The following CNTNAP2 variants were observed in gnomAD, a reference collection of about 807,000 sequenced individuals.
The protein encoded by CNTNAP2 is contactin associated protein 2.
Under a neutral mutation model 155.2 loss-of-function variants are expected in CNTNAP2, and 98 were observed. The ratio of observed to expected loss-of-function variants is 0.63; its 90% confidence interval spans 0.54 to 0.75. The LOEUF is 0.75. Among genes scored for constraint, CNTNAP2 ranks in the 30% least tolerant of loss-of-function variants. The pLI is 0.00. For synonymous variants in CNTNAP2, 651 were observed against 631.2 expected (o/e 1.03, Z -0.47); for missense variants, 1,727 against 1,688.1 (o/e 1.02, Z -0.40).
chr7:146,277,991 T>C (rs952202074), intron 1 of CNTNAP2, among the ~76,000 whole-genome samples: 1 of 152,210 alleles, frequency 6.6e-6, no homozygotes, highest in Admixed American at 6.5e-5. Context: ...ATCATCTTAC[T>C]ATGTAACGGG....
chr7:146,647,515 T>C (rs1280820171), intron 1 of CNTNAP2, among the ~76,000 whole-genome samples: 1 of 152,164 alleles, frequency 6.6e-6, no homozygotes, highest in African/African-American at 2.4e-5. Flanking sequence ...AAAAATCTTA[T>C]AAAACATTAA....
At chr7:148,213,186 G>T (rs1405393365) in intron 18 of CNTNAP2, among the ~76,000 whole-genome samples, 1 of 152,022 alleles carries the variant, frequency 6.6e-6, no homozygotes, top group African/African-American at 2.4e-5. Flanking sequence ...GTATCACCTG[G>T]GGACCTGCGA....
At chr7:147,782,022 A>AC (rs1797669002) in intron 13 of CNTNAP2, among the ~76,000 whole-genome samples, 1 of 49,140 alleles carries the variant, frequency 2.0e-5, no homozygotes, top group African/African-American at 2.1e-4. Context: ...GATTCCGTTT[A>AC]AAAAAAAAAA....
chr7:148,100,951 T>TA (rs1306775526), intron 15 of CNTNAP2, among the ~76,000 whole-genome samples: 4 of 152,044 alleles, frequency 2.6e-5, no homozygotes, highest in African/African-American at 9.6e-5. Flanking sequence ...TATGCAGTCA[T>TA]AAAAAATGAA....
chr7:146,125,704 A>C (rs1163109150), intron 1 of CNTNAP2, among the ~76,000 whole-genome samples: 1 of 152,138 alleles, frequency 6.6e-6, no homozygotes, highest in Admixed American at 6.5e-5. Context: ...ACCATTAAGA[A>C]CATAAACAAA....
At chr7:146,254,065 A>G (rs1334842627) in intron 1 of CNTNAP2, among the ~76,000 whole-genome samples, 2 of 151,984 alleles carry the variant, frequency 1.3e-5, no homozygotes, top group Admixed American at 6.6e-5. Flanking sequence ...CTGACTCATA[A>G]CAAAACAGAA....
intron 13 of CNTNAP2, among the ~76,000 whole-genome samples, chr7:147,674,618 A>G (rs1009207328): frequency 1.1e-4 from 16 of 152,300 alleles, no homozygotes; most frequent in African/African-American, 3.4e-4. Flanking sequence ...CTGAGAAAAC[A>G]TATTTCACTT....
intron 13 of CNTNAP2, among the ~76,000 whole-genome samples, chr7:147,680,850 TATA>T (rs923155898): frequency 7.2e-4 from 109 of 151,108 alleles, no homozygotes; most frequent in South Asian, 1.2e-3. Context: ...CTACAAAATA[TATA>T]ATAACATATT....
chr7:147,967,690 C>CA (rs897433969), intron 14 of CNTNAP2, among the ~76,000 whole-genome samples: 3 of 152,096 alleles, frequency 2.0e-5, no homozygotes, highest in Non-Finnish European at 4.4e-5. Flanking sequence ...TGTAGGACTA[C>CA]AAAGTCTTGT....
intron 10 of CNTNAP2, among the ~76,000 whole-genome samples, chr7:147,426,495 C>T (rs187713853): frequency 1.2e-4 from 18 of 152,228 alleles, no homozygotes; most frequent in Admixed American, 1.0e-3. Context: ...AATTCCTTTC[C>T]ACCGAGCAAA....
chr7:146,372,060 C>T (rs1306733833), intron 1 of CNTNAP2, among the ~76,000 whole-genome samples: 2 of 151,614 alleles, frequency 1.3e-5, no homozygotes, highest in Admixed American at 1.3e-4. Flanking sequence ...TAAAGAAGAC[C>T]CTATATTTAC....
At position 146,128,669 on chromosome 7, in the gene CNTNAP2, C is replaced by A. The variant is rs995392809; in HGVS notation, c.97+11696C>A. 2.6e-5 allele frequency among the ~76,000 whole-genome samples: 4 copies of A among 152,162 alleles called. No individual in the cohort carries two copies. The East Asian group carries it at 7.7e-4, about 29-fold the overall frequency. Reference sequence around the variant, plus strand: ...ACCCAAATATTTCTAGGTACACAACCAGTGTTAAATAAATACAATTGAAAA... The same window carrying A: ...ACCCAAATATTTCTAGGTACACAACAAGTGTTAAATAAATACAATTGAAAA... On this transcript the variant is annotated intron_variant, in intron 1 of 23. Transcript: ENST00000361727.
intron 15 of CNTNAP2, among the ~76,000 whole-genome samples, chr7:148,117,313 C>G (rs1317114831): frequency 3.9e-5 from 6 of 152,202 alleles, no homozygotes; most frequent in Admixed American, 1.3e-4. Context: ...AGAGCCTCAC[C>G]TGCAGTCCCC....
In CNTNAP2 at chr7:146,675,969, G is replaced by A. The variant is rs138547250; in HGVS notation, c.98-98302G>A. On this transcript the variant is annotated intron_variant, in intron 1 of 23. Coordinates refer to ENST00000361727, the MANE Select transcript of CNTNAP2 (RefSeq NM_014141.6). ...AAACACAAAGTGAAATTTGGTTCTC[G>A]AGCTAGTTCAGTCACATAATGTTGT... Among the ~76,000 whole-genome samples, 298 of 152,068 alleles carry A rather than the reference G, an allele frequency of 2.0e-3. 3 individuals are homozygous for A. The highest frequency in any genetic ancestry group is 6.7e-3 in the African/African-American group (277 of 41,488).
At chr7:147,212,213 G>T (rs1275013802) in intron 8 of CNTNAP2, among the ~76,000 whole-genome samples, 2 of 152,022 alleles carry the variant, frequency 1.3e-5, no homozygotes, top group Non-Finnish European at 2.9e-5. Context: ...ACTTAGAATT[G>T]TTATCCAGCA....
At chr7:147,242,736 G>C (rs936828906) in intron 8 of CNTNAP2, among the ~76,000 whole-genome samples, 3 of 151,886 alleles carry the variant, frequency 2.0e-5, no homozygotes, top group African/African-American at 7.3e-5. Context: ...TAAAAATAAG[G>C]CTGCTAACTA....
At chr7:148,172,588 A>G (rs1292580322) in intron 18 of CNTNAP2, 110 bp downstream of exon 18, 6 of 1,007,416 alleles carry the variant, frequency 6.0e-6, no homozygotes, top group Non-Finnish European at 7.8e-6. Flanking sequence ...TGAGGTTAAG[A>G]TGATCAGAAT....
chr7:146,364,868 T>A (rs929300464), intron 1 of CNTNAP2, among the ~76,000 whole-genome samples: 3 of 152,230 alleles, frequency 2.0e-5, no homozygotes, highest in African/African-American at 7.2e-5. Context: ...CAAATCTGAT[T>A]AAAAATAGCA....
intron 3 of CNTNAP2, among the ~76,000 whole-genome samples, chr7:146,922,294 A>G (rs1456943180): frequency 6.6e-6 from 1 of 151,370 alleles, no homozygotes; most frequent in African/African-American, 2.4e-5. Flanking sequence ...CAGCCTTTTC[A>G]GTTTTCTCTT....
Sources: allele counts gnomAD v4.1 joint callset (sites outside exome capture counted in the v4.1 genomes callset), GRCh38; gene constraint gnomAD v4.1.1; transcripts MANE v1.5; gene names NCBI Gene and HGNC (gene_info 2026-07-23, HGNC 2026-07-21).